Variants in PEAK1 observed in about 807,000 individuals in gnomAD.
PEAK1 encodes the protein inactive tyrosine-protein kinase PEAK1.
In PEAK1, 54 loss-of-function variants were observed where a neutral mutation model predicts 124.7. The observed-to-expected ratio is 0.43, with a 90% CI of 0.35 to 0.54. PEAK1 has a LOEUF of 0.54. Ranked by LOEUF, PEAK1 falls within the 20% of genes least tolerant of loss-of-function variation. PEAK1 has a pLI of 0.01. For synonymous variants in PEAK1, 719 were observed against 760.0 expected (o/e 0.95, Z 0.89); for missense variants, 2,046 against 2,134.5 (o/e 0.96, Z 0.82).
intron 2 of PEAK1, chr15:77,347,566 T>C (rs1464368527): frequency 5.1e-6 from 5 of 985,444 alleles, no homozygotes; most frequent in East Asian, 1.1e-4. Flanking sequence ...GGAATGTTTC[T>C]GGATGTATTT....
At chr15:77,315,582 G>A (rs1378025818) in intron 2 of PEAK1, among the ~76,000 whole-genome samples, 2 of 151,070 alleles carry the variant, frequency 1.3e-5, no homozygotes, top group African/African-American at 4.9e-5. Context: ...TCCTGAATTT[G>A]TTATCCCATA....
In PEAK1 at chr15:77,313,692, G is replaced by GTGTGTGTGTGTA. The variant is rs34603921; in HGVS notation, c.-602-27189_-602-27188insTACACACACACA. Reference sequence around the variant, plus strand: ...TGTGTGTGTGTGTGTGTGTGTGTGTGTATATATATATATGTATGTGTGTGT... The same window carrying GTGTGTGTGTGTA: ...TGTGTGTGTGTGTGTGTGTGTGTGTGTGTGTGTGTGTATATATATATATATGTATGTGTGTGT... On this transcript the variant is annotated intron_variant, in intron 2 of 9. Coordinates refer to ENST00000682557, the MANE Select transcript of PEAK1 (RefSeq NM_001385026.1). Among the ~76,000 whole-genome samples, 392 of 98,654 alleles carry GTGTGTGTGTGTA rather than the reference G, an allele frequency of 4.0e-3. 2 individuals carry two copies. The highest frequency in any genetic ancestry group is 0.01 in the African/African-American group (247 of 24,084). 64.7% of individuals were successfully genotyped at this position (98,654 alleles called of 152,430 possible).
chr15:77,410,840 C>T (rs1254596420), intron 1 of PEAK1, among the ~76,000 whole-genome samples: 3 of 152,128 alleles, frequency 2.0e-5, no homozygotes, highest in African/African-American at 7.2e-5. Context: ...TTACCTGCCC[C>T]CTATCCTACA....
intron 6 of PEAK1, among the ~76,000 whole-genome samples, chr15:77,215,653 G>C (rs566433161): frequency 1.3e-5 from 2 of 152,322 alleles, no homozygotes; most frequent in East Asian, 3.9e-4. Context: ...TTGGTTGGTT[G>C]AATCTACAGA....
intron 6 of PEAK1, among the ~76,000 whole-genome samples, chr15:77,238,317 C>T (rs1393264215): frequency 6.6e-6 from 1 of 152,078 alleles, no homozygotes; most frequent in African/African-American, 2.4e-5. Flanking sequence ...GCTACTCTTT[C>T]TGTCTATCCT....
downstream of PEAK1, chr15:77,107,410 G>C (rs1444727063): frequency 6.6e-6 from 1 of 152,178 alleles, no homozygotes; most frequent in African/African-American, 2.4e-5. Context: ...ACTCTTCTGG[G>C]GTATGCCTTA....
At chr15:77,414,061 G>C (rs762420432) in intron 1 of PEAK1, among the ~76,000 whole-genome samples, 1 of 151,956 alleles carries the variant, frequency 6.6e-6, no homozygotes, top group African/African-American at 2.4e-5. Context: ...GGGCTCAGAC[G>C]ATCTTCCCAC....
chr15:77,272,188 C>T (rs1179020034), intron 5 of PEAK1, among the ~76,000 whole-genome samples: 1 of 152,120 alleles, frequency 6.6e-6, no homozygotes, highest in Admixed American at 6.6e-5. Context: ...AATCTAAGGT[C>T]ACACCTCAAG....
intron 7 of PEAK1, among the ~76,000 whole-genome samples, chr15:77,159,747 CTTTG>C (rs1394683450): frequency 7.2e-5 from 11 of 152,184 alleles, no homozygotes; most frequent in African/African-American, 7.2e-5. Context: ...TAAAGAGGTA[CTTTG>C]TTTGATCGTG....
chr15:77,296,485 G>A (rs1037124929), intron 2 of PEAK1, among the ~76,000 whole-genome samples: 15 of 151,524 alleles, frequency 9.9e-5, no homozygotes, highest in Non-Finnish European at 1.8e-4. Context: ...GTGGTGGCAG[G>A]CATCTGTAAT....
chr15:77,223,411 G>A, intron 6 of PEAK1, among the ~76,000 whole-genome samples: 1 of 151,922 alleles, frequency 6.6e-6, no homozygotes, highest in Non-Finnish European at 1.5e-5. Flanking sequence ...ATGTTTTGTG[G>A]GGATAAAATG....
At chr15:77,321,126 G>A (rs1177194411) in intron 2 of PEAK1, among the ~76,000 whole-genome samples, 1 of 152,216 alleles carries the variant, frequency 6.6e-6, no homozygotes, top group East Asian at 1.9e-4. Context: ...ACATATGTGT[G>A]CATGTGTCTT....
At chr15:77,260,056 T>A (rs1218318720) in intron 5 of PEAK1, among the ~76,000 whole-genome samples, 1 of 152,136 alleles carries the variant, frequency 6.6e-6, no homozygotes, top group Non-Finnish European at 1.5e-5. Flanking sequence ...TACCAGATAG[T>A]TGCAATACAA....
At chr15:77,129,066 A>G (rs2052623784) in intron 9 of PEAK1, among the ~76,000 whole-genome samples, 1 of 152,220 alleles carries the variant, frequency 6.6e-6, no homozygotes, top group Admixed American at 6.5e-5. Flanking sequence ...GGTCATAAGC[A>G]TAGGGCCCTG....
At chr15:77,297,627 C>T (rs1385742886) in intron 2 of PEAK1, among the ~76,000 whole-genome samples, 1 of 151,478 alleles carries the variant, frequency 6.6e-6, no homozygotes, top group Non-Finnish European at 1.5e-5. Flanking sequence ...GGCATGGTGG[C>T]ACGCACCTGT....
chr15:77,178,878 T>C lies in PEAK1; in HGVS notation c.3049A>G (p.Lys1017Glu), dbSNP rs757362318. 1 of 1,614,122 alleles carries C rather than the reference T, an allele frequency of 6.2e-7. No homozygotes were observed. Among genetic ancestry groups the C allele is most frequent in the South Asian group, 1.1e-5 (1 of 91,084 alleles). The change falls in exon 7 of 10, where the codon AAG becomes GAG. Residue 1017 changes from lysine (K) to glutamate (E), a missense_variant. Coordinates refer to ENST00000682557, the MANE Select transcript of PEAK1 (RefSeq NM_001385026.1). The part of the protein sequence containing the change: ...ARTDQAAVME[K>E]GRAENALLQD... ...AGTAATGCATTCTCTGCTCTACCCTTCTCCATGACTGCTGCCTGGTCTGTC... is the reference window on the plus strand; with the variant it reads ...AGTAATGCATTCTCTGCTCTACCCTCCTCCATGACTGCTGCCTGGTCTGTC...
chr15:77,115,009 G>C lies in PEAK1; in HGVS notation c.4388C>G (p.Thr1463Ser). 6.2e-7 allele frequency: 1 copy of C among 1,614,110 alleles called. No individual in the cohort carries two copies. The highest frequency in any genetic ancestry group is 8.5e-7 in the Non-Finnish European group (1 of 1,180,020). The change falls in exon 10 of 10, where the codon ACC (threonine) becomes AGC (serine). Residue 1463 changes from threonine (T) to serine (S), a missense_variant. Coordinates refer to ENST00000682557, the MANE Select transcript of PEAK1 (RefSeq NM_001385026.1). Reference sequence around the variant, plus strand: ...CACAGTAAGACATGGAACCTCCCTGGTGATGACCACAACGTGGCTCCTCTG... The same window carrying C: ...CACAGTAAGACATGGAACCTCCCTGCTGATGACCACAACGTGGCTCCTCTG... Reference protein sequence around the residue: ...KKQRSHVVVITREVPCLTVAD... With the variant: ...KKQRSHVVVISREVPCLTVAD...
intron 1 of PEAK1, among the ~76,000 whole-genome samples, chr15:77,397,194 T>C (rs1188574451): frequency 1.3e-5 from 2 of 152,014 alleles, no homozygotes; most frequent in African/African-American, 4.8e-5. Context: ...AAGTAAACAA[T>C]ATGCTCCTGA....
chr15:77,340,662 T>C (rs2066473324), intron 2 of PEAK1, among the ~76,000 whole-genome samples: 1 of 152,210 alleles, frequency 6.6e-6, no homozygotes, highest in Admixed American at 6.5e-5. Context: ...GGGATCAATA[T>C]TGGTTCATTA....
Sources: allele counts gnomAD v4.1 joint callset (sites outside exome capture counted in the v4.1 genomes callset), GRCh38; gene constraint gnomAD v4.1.1; transcripts MANE v1.5; gene names NCBI Gene and HGNC (gene_info 2026-07-23, HGNC 2026-07-21).